Variants in RGS8 observed in about 807,000 individuals in gnomAD.
RGS8 encodes regulator of G-protein signaling 8.
In RGS8, 8 loss-of-function variants were observed where a neutral mutation model predicts 21.7. The ratio of observed to expected loss-of-function variants is 0.37; its 90% CI spans 0.22 to 0.66. The LOEUF is 0.66. RGS8 is among the 30% of genes least tolerant of loss of function. The pLI, the probability that RGS8 is intolerant of heterozygous loss-of-function variation, is 0.59. For synonymous variants in RGS8, 80 were observed against 83.6 expected, an observed-to-expected ratio of 0.96 and a Z score of 0.24; for missense variants, 157 against 217.9, an observed-to-expected ratio of 0.72 and a Z score of 1.76.
chr1:182,732,259 G>T, the RGS8 span, among the ~76,000 whole-genome samples: 6 of 92,778 alleles, frequency 6.5e-5, no homozygotes, highest in East Asian at 3.1e-4. Flanking sequence ...CCTCTGTCTC[G>T]CTCTCTCTCT....
At chr1:182,720,625 G>C in the RGS8 span, among the ~76,000 whole-genome samples, 151 of 152,054 alleles carry the variant, frequency 9.9e-4, no homozygotes, top group African/African-American at 3.3e-3. Context: ...CACTACCACT[G>C]TTCACTGCAG....
chr1:182,716,596 A>G, the RGS8 span, among the ~76,000 whole-genome samples: 3 of 152,108 alleles, frequency 2.0e-5, no homozygotes, highest in Non-Finnish European at 4.4e-5. Context: ...TGAGGTAGGT[A>G]TCTATTATGC....
At chr1:182,725,591 C>A in the RGS8 span, among the ~76,000 whole-genome samples, 1 of 152,040 alleles carries the variant, frequency 6.6e-6, no homozygotes, top group South Asian at 2.1e-4. Flanking sequence ...CTATGAGGAG[C>A]CATAAGAGGT....
chr1:182,660,723 C>G (rs1663543690), intron 5 of RGS8, among the ~76,000 whole-genome samples: 1 of 150,924 alleles, frequency 6.6e-6, no homozygotes, highest in Non-Finnish European at 1.5e-5. Context: ...ATGCTCCAGA[C>G]TCCTGGTTTT....
upstream of RGS8, among the ~76,000 whole-genome samples, chr1:182,675,430 C>G (rs918491250): frequency 3.9e-5 from 6 of 152,196 alleles, no homozygotes; most frequent in Admixed American, 1.3e-4. Flanking sequence ...ATTTCTTTCT[C>G]TGCCCACCCA....
At chr1:182,652,562 A>T (rs1267245336) in intron 5 of RGS8, among the ~76,000 whole-genome samples, 3 of 152,276 alleles carry the variant, frequency 2.0e-5, no homozygotes, top group African/African-American at 7.2e-5. Flanking sequence ...ACTCACCTTC[A>T]ATCCAACATA....
exon 5 of RGS8, chr1:182,666,025 G>A (rs1453786779): frequency 2.5e-6 from 4 of 1,613,276 alleles, no homozygotes; most frequent in Non-Finnish European, 2.5e-6. Flanking sequence ...TTCTTCTGTC[G>A]ATAATCTCCT....
At chr1:182,710,632 G>A in the RGS8 span, among the ~76,000 whole-genome samples, 1 of 152,102 alleles carries the variant, frequency 6.6e-6, no homozygotes, top group Non-Finnish European at 1.5e-5. Context: ...ATGTAATGGG[G>A]AATAGGTGAG....
At chr1:182,737,753 CAG>C in the RGS8 span, among the ~76,000 whole-genome samples, 3 of 152,098 alleles carry the variant, frequency 2.0e-5, no homozygotes, top group East Asian at 3.8e-4. Flanking sequence ...TTCACAGATC[CAG>C]AGAATAGGCC....
At chr1:182,671,947 C>G (rs552759780), upstream of RGS8, 5 of 1,394,826 alleles carry the variant, frequency 3.6e-6, no homozygotes, top group Admixed American at 1.2e-4. Flanking sequence ...ACCCAGCGGG[C>G]GGCGGCTCAG....
chr1:182,661,570 AAGAG>A (rs906573649), intron 5 of RGS8, among the ~76,000 whole-genome samples: 1 of 152,064 alleles, frequency 6.6e-6, no homozygotes, highest in African/African-American at 2.4e-5. Flanking sequence ...GAAGGAAAGA[AAGAG>A]AGAGAATGAA....
chr1:182,646,946 C>T, intron 6 of RGS8, 29 bp from the exon 8 acceptor site: 1 of 1,594,598 alleles, frequency 6.3e-7, no homozygotes, highest in Admixed American at 1.8e-5. Flanking sequence ...AGCAAGGTCA[C>T]AGGCCCTCAA....
chr1:182,699,184 G>A, the RGS8 span, among the ~76,000 whole-genome samples: 1 of 152,182 alleles, frequency 6.6e-6, no homozygotes, highest in Non-Finnish European at 1.5e-5. Flanking sequence ...CTCCATCCCT[G>A]GGCCAGAGGG....
At chr1:182,694,134 A>G in the RGS8 span, among the ~76,000 whole-genome samples, 1 of 151,084 alleles carries the variant, frequency 6.6e-6, no homozygotes, top group Admixed American at 6.6e-5. Flanking sequence ...TAAAATGTGG[A>G]AAGAAAAAAA....
Position 182,659,871 on chromosome 1 carries a change from C to A in RGS8, c.193+6098G>T, listed in dbSNP as rs944325631. ...CCTTCTGGGCTTTTAAAAACTACATCCTCAATGGAATTCCCTCACATGCAT... is the reference window on the plus strand; with the variant it reads ...CCTTCTGGGCTTTTAAAAACTACATACTCAATGGAATTCCCTCACATGCAT... On this transcript the variant is annotated intron_variant, in intron 5 of 6. Transcript: ENST00000483095. Among the ~76,000 whole-genome samples, 6 of 151,988 alleles carry A rather than the reference C, an allele frequency of 3.9e-5. No homozygotes were observed. The East Asian group carries it at 1.2e-3, about 29-fold the overall frequency.
the RGS8 span, among the ~76,000 whole-genome samples, chr1:182,746,653 AAAAG>A: frequency 1.2e-4 from 18 of 152,104 alleles, no homozygotes; most frequent in South Asian, 4.2e-4. Flanking sequence ...CTCTGTCAAA[AAAAG>A]AAAGAAAGAA....
chr1:182,704,611 T>C, the RGS8 span, among the ~76,000 whole-genome samples: 2 of 152,154 alleles, frequency 1.3e-5, no homozygotes. Flanking sequence ...CCTCTAAAAC[T>C]GGTCCCTTTC....
the RGS8 span, among the ~76,000 whole-genome samples, chr1:182,752,138 C>T: frequency 1.3e-5 from 2 of 152,226 alleles, no homozygotes; most frequent in African/African-American, 4.8e-5. Flanking sequence ...CCCAAGCCAC[C>T]TCATGTCACA....
the RGS8 span, among the ~76,000 whole-genome samples, chr1:182,695,152 A>G: frequency 6.6e-6 from 1 of 152,206 alleles, no homozygotes; most frequent in Non-Finnish European, 1.5e-5. Context: ...CCACAATCAG[A>G]AAAAGGTATT....
Sources: allele counts gnomAD v4.1 joint callset (sites outside exome capture counted in the v4.1 genomes callset), GRCh38; gene constraint gnomAD v4.1.1; transcripts MANE v1.5; gene names NCBI Gene and HGNC (gene_info 2026-07-23, HGNC 2026-07-21).